The following NEGR1 variants were observed in gnomAD, a reference collection of about 807,000 sequenced individuals.
The protein encoded by NEGR1 is IgLON family member 4.
NEGR1 carries 10 observed loss-of-function variants against 40.9 expected under a neutral mutation model. The ratio of observed to expected loss-of-function variants is 0.24; its 90% confidence interval spans 0.15 to 0.42. NEGR1 has a LOEUF of 0.42. NEGR1 is among the 10% of genes least tolerant of loss of function. The pLI is 1.00. For synonymous variants in NEGR1, 185 were observed against 166.8 expected (o/e 1.11, Z -0.84); for missense variants, 352 against 438.9 (o/e 0.80, Z 1.77).
At chr1:71,686,150 T>C (rs1283046952) in intron 4 of NEGR1, among the ~76,000 whole-genome samples, 1 of 152,198 alleles carries the variant, frequency 6.6e-6, no homozygotes, top group Admixed American at 6.5e-5. Context: ...GGAAGCTTTT[T>C]ATCATTGCTT....
intron 2 of NEGR1, among the ~76,000 whole-genome samples, chr1:71,870,653 TTTATTATTCATTCTG>T (rs1306797876): frequency 6.6e-6 from 1 of 152,202 alleles, no homozygotes; most frequent in Non-Finnish European, 1.5e-5. Flanking sequence ...AAGTAATACT[TTTATTATTCATTCTG>T]TTACACTGTG....
intron 3 of NEGR1, among the ~76,000 whole-genome samples, chr1:71,747,422 T>C (rs891050671): frequency 6.6e-6 from 1 of 151,624 alleles, no homozygotes; most frequent in African/African-American, 2.4e-5. Flanking sequence ...GAAAACTTCT[T>C]ACATCTTTTT....
intron 2 of NEGR1, among the ~76,000 whole-genome samples, chr1:71,824,720 G>C (rs1658556641): frequency 6.6e-6 from 1 of 151,842 alleles, no homozygotes; most frequent in South Asian, 2.1e-4. Context: ...TCTGATTTCT[G>C]TTACCATAAA....
chr1:72,248,575 TTTATTATTATTATTA>T (rs201326223), intron 1 of NEGR1, among the ~76,000 whole-genome samples: 6 of 132,962 alleles, frequency 4.5e-5, no homozygotes, highest in South Asian at 2.5e-4. Context: ...TCTATTTTTA[TTTATTATTATTATTA>T]TTATTATTAT....
chr1:71,868,639 C>T (rs1660191244), intron 2 of NEGR1, among the ~76,000 whole-genome samples: 1 of 152,032 alleles, frequency 6.6e-6, no homozygotes, highest in South Asian at 2.1e-4. Flanking sequence ...TTTCTGTTAC[C>T]AACTATCTTT....
chr1:72,060,776 T>C (rs922374477), intron 1 of NEGR1, among the ~76,000 whole-genome samples: 1 of 151,656 alleles, frequency 6.6e-6, no homozygotes. Flanking sequence ...GTGTCATCCA[T>C]TATGTTCCAT....
intron 3 of NEGR1, among the ~76,000 whole-genome samples, chr1:71,759,765 A>G (rs1451414801): frequency 1.3e-5 from 2 of 151,202 alleles, no homozygotes; most frequent in East Asian, 3.9e-4. Context: ...CTGTGCCACC[A>G]TGTCTGGCTA....
chr1:72,149,763 C>T (rs1312817431), intron 1 of NEGR1, among the ~76,000 whole-genome samples: 2 of 150,814 alleles, frequency 1.3e-5, no homozygotes, highest in African/African-American at 2.4e-5. Context: ...ATGACTGTAA[C>T]GCCAGCTACT....
chr1:71,808,092 A>G (rs1657845460), intron 2 of NEGR1, among the ~76,000 whole-genome samples: 1 of 152,220 alleles, frequency 6.6e-6, no homozygotes, highest in East Asian at 1.9e-4. Context: ...AAAATGGCAC[A>G]TGATATCATA....
At chr1:72,033,898 A>T (rs1646880143) in intron 1 of NEGR1, among the ~76,000 whole-genome samples, 1 of 152,146 alleles carries the variant, frequency 6.6e-6, no homozygotes, top group Admixed American at 6.6e-5. Flanking sequence ...TCAAACTGTA[A>T]AACACCCCCT....
intron 3 of NEGR1, 27 bp from the exon 4 acceptor site, chr1:71,698,166 A>G (rs1557617876): frequency 6.2e-7 from 1 of 1,603,076 alleles, no homozygotes; most frequent in Admixed American, 1.7e-5. Flanking sequence ...AGCATGTTTA[A>G]TTGTAGCCGC....
At chr1:71,672,896 A>G (rs991187716) in intron 4 of NEGR1, among the ~76,000 whole-genome samples, 1 of 152,226 alleles carries the variant, frequency 6.6e-6, no homozygotes, top group East Asian at 1.9e-4. Flanking sequence ...GCTTGGCGGG[A>G]TGTTGAGGAC....
intron 1 of NEGR1, among the ~76,000 whole-genome samples, chr1:72,102,722 T>C (rs1483392713): frequency 1.3e-5 from 2 of 152,092 alleles, no homozygotes; most frequent in Non-Finnish European, 2.9e-5. Context: ...ATTTTTACAT[T>C]CATATTTAGT....
intron 2 of NEGR1, among the ~76,000 whole-genome samples, chr1:71,838,043 T>C (rs1434820430): frequency 6.6e-6 from 1 of 152,130 alleles, no homozygotes; most frequent in Non-Finnish European, 1.5e-5. Flanking sequence ...GTTCACATTG[T>C]TTGAGGTACA....
chr1:72,034,716 A>G (rs1646887838), intron 1 of NEGR1, among the ~76,000 whole-genome samples: 1 of 152,196 alleles, frequency 6.6e-6, no homozygotes, highest in Non-Finnish European at 1.5e-5. Flanking sequence ...AAATCAGAGT[A>G]GGTGATGATA....
intron 1 of NEGR1, among the ~76,000 whole-genome samples, chr1:71,986,669 C>T (rs540466584): frequency 6.6e-6 from 1 of 152,296 alleles, no homozygotes; most frequent in East Asian, 1.9e-4. Flanking sequence ...AAATAACTTT[C>T]AAGCATCTGG....
In NEGR1 at chr1:71,924,096, G is replaced by A. The variant is rs538543379; in HGVS notation, c.409+10983C>T. 3.0e-4 allele frequency among the ~76,000 whole-genome samples: 45 copies of A among 152,100 alleles called. No homozygotes were observed. In the Middle Eastern group the frequency reaches 0.01, roughly 34 times the overall value. On this transcript the variant is annotated intron_variant, in intron 2 of 6. Transcript: ENST00000357731. Reference sequence around the variant, plus strand: ...TGTAGAAATAGGGTCTCCCCGTGTTGTCCAGGATGGTCTCAAGTGATCCTC... The same window carrying A: ...TGTAGAAATAGGGTCTCCCCGTGTTATCCAGGATGGTCTCAAGTGATCCTC...
At chr1:72,217,203 A>AAT (rs1226908969) in intron 1 of NEGR1, among the ~76,000 whole-genome samples, 4 of 151,828 alleles carry the variant, frequency 2.6e-5, no homozygotes, top group Non-Finnish European at 5.9e-5. Context: ...AAAAATTAAT[A>AAT]CAGCCCTTTG....
intron 2 of NEGR1, among the ~76,000 whole-genome samples, chr1:71,918,258 A>AAGC (rs1661659810): frequency 7.7e-6 from 1 of 129,716 alleles, no homozygotes. Context: ...AAAAAAAAAG[A>AAGC]AGAAGAAGAA....
Sources: gnomAD v4.1 joint callset for allele counts (sites outside exome capture counted in the v4.1 genomes callset) on GRCh38, gnomAD v4.1.1 for gene constraint, MANE v1.5 for transcripts, NCBI Gene and HGNC (gene_info 2026-07-23, HGNC 2026-07-21) for gene names.